The following ATRNL1 variants were observed in gnomAD, a reference collection of about 807,000 sequenced individuals.
ATRNL1 encodes attractin like 1.
A neutral mutation model predicts 182.7 loss-of-function variants in ATRNL1; 95 were observed. The ratio of observed to expected loss-of-function variants is 0.52; its 90% CI spans 0.44 to 0.62. The LOEUF is 0.62. Ranked by LOEUF, ATRNL1 falls within the 20% of genes least tolerant of loss-of-function variation. The pLI is 0.00. For missense variants in ATRNL1, 1,471 were observed against 1,679.5 expected (o/e 0.88, Z 2.17); for synonymous variants, 576 against 568.3 (o/e 1.01, Z -0.19).
In ATRNL1 at chr10:115,586,971, C is replaced by A. The variant is rs1158421026; in HGVS notation, c.3795+37435C>A. On this transcript the variant is annotated intron_variant, in intron 26 of 28. Transcript: ENST00000355044. ...TTCTGTTTGTTAGTTTTCCTTCTAA[C>A]AGACAGGACCCTCAGCTGCAGCTCT... Among the ~76,000 whole-genome samples the A allele has an allele frequency of 8.7e-5, 12 of 138,064 alleles. No homozygotes were observed. In the Admixed American group the frequency reaches 9.2e-4, roughly 11 times the overall value. The allele number at this position is 138,064 out of a possible 152,430, so 90.6% of individuals were successfully genotyped here.
At chr10:115,590,441 T>C (rs1855834381) in intron 26 of ATRNL1, among the ~76,000 whole-genome samples, 1 of 152,178 alleles carries the variant, frequency 6.6e-6, no homozygotes, top group African/African-American at 2.4e-5. Flanking sequence ...GCTTGTGCTC[T>C]TTATTATTTG....
chr10:115,143,428 G>A (rs1409669045), intron 5 of ATRNL1, among the ~76,000 whole-genome samples: 1 of 150,156 alleles, frequency 6.7e-6, no homozygotes, highest in Non-Finnish European at 1.5e-5. Flanking sequence ...TTTTTTTATA[G>A]TGTGTATTGC....
intron 19 of ATRNL1, among the ~76,000 whole-genome samples, chr10:115,335,909 C>T (rs1343769683): frequency 5.9e-5 from 9 of 152,044 alleles, no homozygotes; most frequent in African/African-American, 2.2e-4. Flanking sequence ...TAAGGAGGGC[C>T]TACTGTAGTA....
chr10:115,174,318 G>T (rs1210247046), intron 8 of ATRNL1, among the ~76,000 whole-genome samples: 1 of 151,624 alleles, frequency 6.6e-6, no homozygotes, highest in Non-Finnish European at 1.5e-5. Context: ...GAATGGGGGA[G>T]ATTCAGAACT....
At chr10:115,221,460 G>T (rs569722848) in intron 9 of ATRNL1, among the ~76,000 whole-genome samples, 2 of 152,240 alleles carry the variant, frequency 1.3e-5, no homozygotes, top group Admixed American at 6.5e-5. Context: ...TTTTTCAGTG[G>T]TGAAATGAAT....
At chr10:115,388,659 T>A (rs57996160) in intron 19 of ATRNL1, among the ~76,000 whole-genome samples, 10,056 of 152,052 alleles carry the variant, frequency 0.066, 1,095 homozygotes, top group African/African-American at 0.23. Flanking sequence ...TATATACACA[T>A]TATTTATAAT....
chr10:115,150,149 T>C (rs1203274796), intron 5 of ATRNL1, among the ~76,000 whole-genome samples: 1 of 152,060 alleles, frequency 6.6e-6, no homozygotes, highest in Non-Finnish European at 1.5e-5. Context: ...TTTATAATAA[T>C]CTTTGATAAT....
intron 27 of ATRNL1, among the ~76,000 whole-genome samples, chr10:115,810,992 A>G (rs1950034324): frequency 6.6e-6 from 1 of 151,328 alleles, no homozygotes; most frequent in African/African-American, 2.4e-5. Context: ...CATGTTATTG[A>G]TATTTGTATC....
At chr10:115,122,761 A>G (rs1592130793) in intron 3 of ATRNL1, among the ~76,000 whole-genome samples, 1 of 152,124 alleles carries the variant, frequency 6.6e-6, no homozygotes, top group Admixed American at 6.5e-5. Context: ...TACTTATTCT[A>G]TGATATTGCT....
At chr10:115,933,895 A>G (rs1335363193) in intron 28 of ATRNL1, among the ~76,000 whole-genome samples, 1 of 151,938 alleles carries the variant, frequency 6.6e-6, no homozygotes, top group Admixed American at 6.6e-5. Context: ...TGTTCTTTTT[A>G]CCAGGGAAGC....
chr10:115,795,565 C>A (rs1949633050), intron 27 of ATRNL1, among the ~76,000 whole-genome samples: 3 of 152,146 alleles, frequency 2.0e-5, no homozygotes, highest in African/African-American at 4.8e-5. Context: ...TTAATTGGCT[C>A]ATGGTTCTGT....
intron 27 of ATRNL1, among the ~76,000 whole-genome samples, chr10:115,841,524 T>A (rs1950808344): frequency 6.6e-6 from 1 of 152,110 alleles, no homozygotes; most frequent in Non-Finnish European, 1.5e-5. Flanking sequence ...GAACCTCAAG[T>A]GCAGCATCCT....
At chr10:115,795,678 G>A (rs1390980065) in intron 27 of ATRNL1, among the ~76,000 whole-genome samples, 1 of 152,090 alleles carries the variant, frequency 6.6e-6, no homozygotes, top group Non-Finnish European at 1.5e-5. Flanking sequence ...GGCAGGAGAG[G>A]GAGAGAGACA....
intron 5 of ATRNL1, among the ~76,000 whole-genome samples, chr10:115,145,212 A>G (rs1279186654): frequency 6.6e-6 from 1 of 152,232 alleles, no homozygotes; most frequent in Non-Finnish European, 1.5e-5. Context: ...CAAGGGTTAT[A>G]TAAGGAGATG....
intron 9 of ATRNL1, among the ~76,000 whole-genome samples, chr10:115,216,370 C>T (rs1045522062): frequency 1.3e-5 from 2 of 152,120 alleles, no homozygotes; most frequent in Admixed American, 1.3e-4. Context: ...TATATACTTC[C>T]ACCAACAGGG....
At chr10:115,837,994 A>G (rs893102038) in intron 27 of ATRNL1, among the ~76,000 whole-genome samples, 4 of 152,190 alleles carry the variant, frequency 2.6e-5, no homozygotes, top group Admixed American at 2.6e-4. Context: ...ACTTTTTGCC[A>G]GTCACTATGC....
At chr10:115,135,847 A>ATT (rs113514304) in intron 5 of ATRNL1, among the ~76,000 whole-genome samples, 75 of 150,330 alleles carry the variant, frequency 5.0e-4, no homozygotes, top group African/African-American at 1.8e-3. Flanking sequence ...CTTGTGTGTC[A>ATT]TTTTTTTTTC....
chr10:115,674,257 A>G (rs559659912), intron 26 of ATRNL1, among the ~76,000 whole-genome samples: 2 of 152,200 alleles, frequency 1.3e-5, no homozygotes, highest in South Asian at 2.1e-4. Flanking sequence ...CTTCCCAACC[A>G]TAACAGAGAA....
intron 20 of ATRNL1, among the ~76,000 whole-genome samples, chr10:115,417,375 A>G (rs1207436317): frequency 6.6e-6 from 1 of 152,122 alleles, no homozygotes; most frequent in Non-Finnish European, 1.5e-5. Context: ...ACTTGCCCAT[A>G]TCCTGCAGAT....
Sources: allele counts gnomAD v4.1 joint callset (sites outside exome capture counted in the v4.1 genomes callset), GRCh38; gene constraint gnomAD v4.1.1; transcripts MANE v1.5; gene names NCBI Gene and HGNC (gene_info 2026-07-23, HGNC 2026-07-21).